AGBL1: variants seen among roughly 807,000 people sequenced by gnomAD.
AGBL1 encodes AGBL carboxypeptidase 1, also known as cytosolic carboxypeptidase 4.
A neutral mutation model predicts 118.9 loss-of-function variants in AGBL1; 130 were observed. The observed-to-expected ratio is 1.09, with a 90% CI of 0.95 to 1.26. AGBL1 has a LOEUF of 1.26. Among genes scored for constraint, AGBL1 ranks in the 50% most tolerant of loss-of-function variants. The probability of loss-of-function intolerance (pLI) is 0.00; values close to 1 mark genes in which losing one functional copy is unlikely to be tolerated. For synonymous variants in AGBL1, 555 were observed against 478.9 expected (o/e 1.16, Z -2.08); for missense variants, 1,584 against 1,298.1 (o/e 1.22, Z -3.38).
chr15:86,454,231 T>C (rs1302527095), intron 18 of AGBL1, among the ~76,000 whole-genome samples: 5 of 152,168 alleles, frequency 3.3e-5, no homozygotes, highest in African/African-American at 1.2e-4. Context: ...CCACATGGAG[T>C]TCCTTCTACT....
chr15:86,588,236 AGT>A (rs766719594), intron 21 of AGBL1, among the ~76,000 whole-genome samples: 52 of 152,224 alleles, frequency 3.4e-4, no homozygotes, highest in Non-Finnish European at 6.0e-4. Flanking sequence ...TACTCTACAC[AGT>A]GTGAATAAAT....
intron 22 of AGBL1, among the ~76,000 whole-genome samples, chr15:86,773,328 G>A (rs942505370): frequency 3.9e-5 from 6 of 152,028 alleles, no homozygotes; most frequent in African/African-American, 7.2e-5. Flanking sequence ...ACCAAGCCTC[G>A]AAGGATATGT....
chr15:86,729,545 T>C (rs2077501008), intron 22 of AGBL1, among the ~76,000 whole-genome samples: 1 of 152,234 alleles, frequency 6.6e-6, no homozygotes, highest in Non-Finnish European at 1.5e-5. Context: ...TTTCTGTTCC[T>C]GTATTAATTT....
intron 18 of AGBL1, among the ~76,000 whole-genome samples, chr15:86,494,087 A>G (rs2142147520): frequency 6.6e-6 from 1 of 152,084 alleles, no homozygotes; most frequent in Middle Eastern, 3.4e-3. Context: ...GTGACGTTGG[A>G]GCATGGGGTA....
At chr15:86,962,647 A>C (rs1312676001) in intron 23 of AGBL1, among the ~76,000 whole-genome samples, 1 of 152,092 alleles carries the variant, frequency 6.6e-6, no homozygotes, top group African/African-American at 2.4e-5. Context: ...TAAGATTTAC[A>C]CCAGAAGATA....
intron 15 of AGBL1, among the ~76,000 whole-genome samples, chr15:86,277,414 T>A (rs1161018340): frequency 6.6e-6 from 1 of 152,136 alleles, no homozygotes; most frequent in Non-Finnish European, 1.5e-5. Context: ...CCCTTAAATC[T>A]TGAGCCCATG....
chr15:86,201,554 C>G (rs1222336257), intron 5 of AGBL1, among the ~76,000 whole-genome samples: 1 of 152,144 alleles, frequency 6.6e-6, no homozygotes, highest in African/African-American at 2.4e-5. Flanking sequence ...GATCCTTTCC[C>G]TCTCAACACA....
chr15:86,441,662 C>T (rs1042857528), intron 18 of AGBL1, among the ~76,000 whole-genome samples: 2 of 152,146 alleles, frequency 1.3e-5, no homozygotes, highest in Admixed American at 1.3e-4. Context: ...CATTGTATCC[C>T]CGTTATTGGA....
At chr15:86,720,138 G>A (rs897373645) in intron 22 of AGBL1, among the ~76,000 whole-genome samples, 1 of 152,132 alleles carries the variant, frequency 6.6e-6, no homozygotes, top group Non-Finnish European at 1.5e-5. Flanking sequence ...TCTCCACAGA[G>A]CCCCATACTT....
chr15:86,783,402 C>T (rs1042324488), intron 22 of AGBL1, among the ~76,000 whole-genome samples: 1 of 152,190 alleles, frequency 6.6e-6, no homozygotes, highest in Non-Finnish European at 1.5e-5. Context: ...CTTTTTCACT[C>T]ATTTTTACCC....
chr15:86,415,852 A>G (rs2081686201), intron 18 of AGBL1, among the ~76,000 whole-genome samples: 1 of 152,166 alleles, frequency 6.6e-6, no homozygotes, highest in Non-Finnish European at 1.5e-5. Flanking sequence ...GTGCTCTTAT[A>G]AATGTTATGA....
At chr15:86,276,953 G>C (rs576199912) in intron 15 of AGBL1, among the ~76,000 whole-genome samples, 2 of 152,218 alleles carry the variant, frequency 1.3e-5, no homozygotes, top group South Asian at 2.1e-4. Flanking sequence ...AAGTTTAAAG[G>C]CCTCTGCAGA....
At chr15:86,221,336 T>G (rs1200469516) in intron 5 of AGBL1, among the ~76,000 whole-genome samples, 1 of 152,202 alleles carries the variant, frequency 6.6e-6, no homozygotes, top group African/African-American at 2.4e-5. Flanking sequence ...GGGCCCCCAG[T>G]TCACGCACTC....
At chr15:86,146,147 T>C (rs1307179952) in intron 3 of AGBL1, among the ~76,000 whole-genome samples, 2 of 152,230 alleles carry the variant, frequency 1.3e-5, no homozygotes, top group African/African-American at 4.8e-5. Flanking sequence ...CCCTTATGTA[T>C]AAAATAGAGC....
intron 1 of AGBL1, among the ~76,000 whole-genome samples, chr15:86,114,290 G>A (rs1897620639): frequency 6.6e-6 from 1 of 152,194 alleles, no homozygotes; most frequent in Non-Finnish European, 1.5e-5. Context: ...GGACCCTTGG[G>A]GGAGGTGAGT....
intron 22 of AGBL1, among the ~76,000 whole-genome samples, chr15:86,877,720 A>C (rs558529386): frequency 6.6e-6 from 1 of 152,292 alleles, no homozygotes; most frequent in South Asian, 2.1e-4. Flanking sequence ...ACATCCAGAC[A>C]AAGAAGCCCA....
chr15:86,606,126 C>CAAAAAAAAAAA (rs10675845), intron 21 of AGBL1, among the ~76,000 whole-genome samples: 13,311 of 95,654 alleles, frequency 0.14, 1,287 homozygotes, highest in Non-Finnish European at 0.16. Flanking sequence ...GACTCCATCT[C>CAAAAAAAAAAA]AAAAAAAAAA....
chr15:86,895,750 T>G (rs567512746), intron 22 of AGBL1, among the ~76,000 whole-genome samples: 1 of 152,190 alleles, frequency 6.6e-6, no homozygotes, highest in Admixed American at 6.5e-5. Flanking sequence ...TAGTTTCCCT[T>G]ATTTAATTTG....
chr15:86,147,567 C>T lies in AGBL1; in HGVS notation c.262+3722C>T, dbSNP rs536994336. 7.3e-4 allele frequency among the ~76,000 whole-genome samples: 111 copies of T among 152,274 alleles called. 1 individual carries two copies. The highest frequency in any genetic ancestry group is 2.6e-3 in the African/African-American group (106 of 41,564). ...GCAGCCTGGCTGGGGGAAGGGTGTC[C>T]GCCATTGCTGAGGCCTGACTAGGTA... On this transcript the variant is annotated intron_variant, in intron 3 of 22. Coordinates refer to ENST00000614907, the MANE Select transcript of AGBL1 (RefSeq NM_001386094.1).
Sources: gnomAD v4.1 joint callset for allele counts (sites outside exome capture counted in the v4.1 genomes callset) on GRCh38, gnomAD v4.1.1 for gene constraint, MANE v1.5 for transcripts, NCBI Gene and HGNC (gene_info 2026-07-23, HGNC 2026-07-21) for gene names.